The following MAD1L1 variants were observed in gnomAD, a reference collection of about 807,000 sequenced individuals.
The protein encoded by MAD1L1 is mitotic arrest deficient 1 like 1, also known as mitotic spindle assembly checkpoint protein MAD1.
In MAD1L1, 95 loss-of-function variants were observed where a neutral mutation model predicts 96.9. That is an observed-to-expected ratio of 0.98 (90% CI 0.83 to 1.16). The LOEUF is 1.16. Among genes scored for constraint, MAD1L1 ranks in the 50% most tolerant of loss-of-function variants. MAD1L1 has a pLI of 0.00. For missense variants in MAD1L1, 1,007 were observed against 954.4 expected, an observed-to-expected ratio of 1.06 and a Z score of -0.73; for synonymous variants, 473 against 396.6, an observed-to-expected ratio of 1.19 and a Z score of -2.29.
intron 10 of MAD1L1, among the ~76,000 whole-genome samples, chr7:2,205,658 G>A (rs577120693): frequency 6.6e-6 from 1 of 152,256 alleles, no homozygotes; most frequent in African/African-American, 2.4e-5. Context: ...GGCTGGCTCT[G>A]CAATCATTAA....
In MAD1L1 at chr7:2,221,885, G is replaced by A. The variant is rs547977247; in HGVS notation, c.471+690C>T. 7.2e-5 allele frequency among the ~76,000 whole-genome samples: 11 copies of A among 152,272 alleles called. No individual in the cohort carries two copies. The South Asian group carries it at 1.7e-3, about 23-fold the overall frequency. On this transcript the variant is annotated intron_variant, in intron 5 of 18. Coordinates refer to ENST00000265854, the MANE Select transcript of MAD1L1 (RefSeq NM_001013836.2). ...TCTGAGCACAACGGCTGCAGAGACCGCCATCGCTAGGGACCTTATAACCCA... is the reference window on the plus strand; with the variant it reads ...TCTGAGCACAACGGCTGCAGAGACCACCATCGCTAGGGACCTTATAACCCA...
intron 18 of MAD1L1, among the ~76,000 whole-genome samples, chr7:1,891,296 A>G (rs1273367939): frequency 6.6e-6 from 1 of 151,948 alleles, no homozygotes; most frequent in African/African-American, 2.4e-5. Context: ...GAGGCCGAGG[A>G]GGGAGGATCA....
At chr7:2,064,923 T>C (rs988096233) in intron 12 of MAD1L1, among the ~76,000 whole-genome samples, 4 of 152,108 alleles carry the variant, frequency 2.6e-5, no homozygotes, top group Non-Finnish European at 4.4e-5. Context: ...CAGAGGCTTC[T>C]TCCAGGAGGA....
intron 12 of MAD1L1, among the ~76,000 whole-genome samples, chr7:2,047,759 GCATA>G (rs901313702): frequency 1.2e-4 from 18 of 151,358 alleles, no homozygotes; most frequent in African/African-American, 4.1e-4. Context: ...ACACTCACAT[GCATA>G]CAGAGAGCTG....
At chr7:1,948,208 G>A (rs1779320401) in intron 16 of MAD1L1, among the ~76,000 whole-genome samples, 1 of 152,168 alleles carries the variant, frequency 6.6e-6, no homozygotes, top group South Asian at 2.1e-4. Flanking sequence ...ACCATGGCCA[G>A]GCTTCACCAG....
chr7:2,159,764 T>C (rs1379497815), intron 10 of MAD1L1, among the ~76,000 whole-genome samples: 1 of 152,214 alleles, frequency 6.6e-6, no homozygotes, highest in Non-Finnish European at 1.5e-5. Context: ...AGTCTATCCA[T>C]ACAATGGAAC....
rs1290116657 is a variant in MAD1L1, at chr7:1,983,152, GCGCACACACACA to G, written c.1417-2623_1417-2612del. 9.0e-3 allele frequency among the ~76,000 whole-genome samples: 269 copies of G among 29,894 alleles called. 1 individual carries two copies. The highest frequency in any genetic ancestry group is 0.037 in the East Asian group (20 of 540). The allele number at this position is 29,894 out of a possible 152,430, so 19.6% of individuals were successfully genotyped here. Reference sequence around the variant, plus strand: ...CACAGACGCGCGCGCGCGCGCGCGCGCGCACACACACACACACACACACACACACACACACAG... The same window carrying G: ...CACAGACGCGCGCGCGCGCGCGCGCGCACACACACACACACACACACACAG... On this transcript the variant is annotated intron_variant, in intron 14 of 18. Transcript: ENST00000265854.
At chr7:1,882,447 T>C (rs564512183) in intron 18 of MAD1L1, among the ~76,000 whole-genome samples, 41 of 152,038 alleles carry the variant, frequency 2.7e-4, no homozygotes, top group Non-Finnish European at 5.1e-4. Flanking sequence ...GAAGAGACTG[T>C]GAATGGCCTT....
intron 10 of MAD1L1, among the ~76,000 whole-genome samples, chr7:2,181,664 T>C (rs1791205115): frequency 6.6e-6 from 1 of 152,162 alleles, no homozygotes; most frequent in Non-Finnish European, 1.5e-5. Flanking sequence ...GAGCTACCGT[T>C]TGAGACAGCA....
At chr7:1,980,638 C>A (rs1156763343) in intron 14 of MAD1L1, 97 bp from the exon 15 acceptor site, 3 of 951,190 alleles carry the variant, frequency 3.2e-6, no homozygotes, top group East Asian at 2.6e-5. Flanking sequence ...CCTGGCAGCA[C>A]CCCCGCCCTG....
At chr7:2,031,159 G>A (rs997929137) in intron 12 of MAD1L1, among the ~76,000 whole-genome samples, 2 of 152,272 alleles carry the variant, frequency 1.3e-5, no homozygotes, top group Non-Finnish European at 2.9e-5. Context: ...TGAACACCAG[G>A]CCGCTCAGAG....
intron 18 of MAD1L1, among the ~76,000 whole-genome samples, chr7:1,825,341 G>A (rs1782333989): frequency 6.6e-6 from 1 of 152,222 alleles, no homozygotes; most frequent in African/African-American, 2.4e-5. Flanking sequence ...ACCTGCCCCA[G>A]ATGTCCTGGG....
chr7:2,059,735 A>G (rs6972987), intron 12 of MAD1L1, among the ~76,000 whole-genome samples: 19,746 of 151,786 alleles, frequency 0.13, 1,837 homozygotes, highest in African/African-American at 0.25. Flanking sequence ...GTGGGGAAGC[A>G]TGGCCAGCAT....
intron 11 of MAD1L1, among the ~76,000 whole-genome samples, chr7:2,071,526 T>C (rs554176901): frequency 2.0e-5 from 3 of 152,208 alleles, no homozygotes; most frequent in African/African-American, 4.8e-5. Context: ...CATGTGCCAA[T>C]GACTGACGGT....
chr7:2,156,445 C>T (rs2128585205), intron 10 of MAD1L1, among the ~76,000 whole-genome samples: 1 of 146,608 alleles, frequency 6.8e-6, no homozygotes, highest in Admixed American at 6.7e-5. Flanking sequence ...CCCCTGAAGG[C>T]GGGGCTTAGG....
chr7:2,219,685 G>T (rs1379513742), intron 5 of MAD1L1, among the ~76,000 whole-genome samples: 1 of 149,422 alleles, frequency 6.7e-6, no homozygotes. Flanking sequence ...GCAGAGGGCA[G>T]GGGGAAGAGG....
At chr7:1,974,886 C>T (rs538430859) in intron 15 of MAD1L1, among the ~76,000 whole-genome samples, 7 of 152,312 alleles carry the variant, frequency 4.6e-5, no homozygotes, top group South Asian at 2.1e-4. Flanking sequence ...GGCAGGCTTT[C>T]GGAGAGAAAG....
In MAD1L1 at chr7:1,816,310, T is replaced by A. The variant is rs983541337; in HGVS notation, c.1999-82A>T. The A allele has an allele frequency of 5.0e-6, 7 of 1,401,518 alleles. No individual in the cohort carries two copies. The African/African-American group carries it at 7.1e-5, about 14-fold the overall frequency. The allele number at this position is 1,401,518 out of a possible 1,614,324, so 86.8% of individuals were successfully genotyped here. A position where few individuals can be genotyped will look rare whatever the true frequency, so the allele number is the denominator to read the frequency against. Reference sequence around the variant, plus strand: ...CTCCCCTCCCTCCCTACACAGCCCCTCCAGCCATGGGGGCTTCCCTCAGTC... The same window carrying A: ...CTCCCCTCCCTCCCTACACAGCCCCACCAGCCATGGGGGCTTCCCTCAGTC... On this transcript the variant is annotated intron_variant, in intron 18 of 18. Coordinates refer to ENST00000265854, the MANE Select transcript of MAD1L1 (RefSeq NM_001013836.2).
chr7:1,994,811 C>A (rs1463113802), intron 14 of MAD1L1, among the ~76,000 whole-genome samples: 1 of 152,166 alleles, frequency 6.6e-6, no homozygotes, highest in Non-Finnish European at 1.5e-5. Flanking sequence ...GCCTGCAGAA[C>A]CGTGAGCAAC....
Sources: allele counts gnomAD v4.1 joint callset (sites outside exome capture counted in the v4.1 genomes callset), GRCh38; gene constraint gnomAD v4.1.1; transcripts MANE v1.5; gene names NCBI Gene and HGNC (gene_info 2026-07-23, HGNC 2026-07-21).